Variants in PDE1C observed in about 807,000 individuals in gnomAD.
The protein encoded by PDE1C is phosphodiesterase 1C, also known as dual specificity calcium/calmodulin-dependent 3',5'-cyclic nucleotide phosphodiesterase 1C.
In PDE1C, 62 loss-of-function variants were observed where a neutral mutation model predicts 93.1. That is an observed-to-expected ratio of 0.67 (90% CI 0.54 to 0.82). The LOEUF (loss-of-function observed/expected upper bound fraction) is 0.82. Ranked by LOEUF, PDE1C falls within the 40% of genes least tolerant of loss-of-function variation. The pLI is 0.00. For synonymous variants in PDE1C, 325 were observed against 310.1 expected, an observed-to-expected ratio of 1.05 and a Z score of -0.50; for missense variants, 742 against 884.6, an observed-to-expected ratio of 0.84 and a Z score of 2.04.
chr7:32,348,632 G>A (rs1783899512), intron 1 of PDE1C, among the ~76,000 whole-genome samples: 1 of 151,918 alleles, frequency 6.6e-6, no homozygotes, highest in Non-Finnish European at 1.5e-5. Flanking sequence ...CAAAGTGCTG[G>A]GATTACAGGC....
intron 3 of PDE1C, among the ~76,000 whole-genome samples, chr7:32,082,654 A>T (rs7807965): frequency 6.6e-6 from 1 of 151,590 alleles, no homozygotes; most frequent in Non-Finnish European, 1.5e-5. Context: ...CTGAGACAAA[A>T]CTTCCAGAGG....
chr7:32,154,806 G>A lies in PDE1C; in HGVS notation c.308+14979C>T, dbSNP rs565276687. Among the ~76,000 whole-genome samples, 79 of 152,374 alleles carry A rather than the reference G, an allele frequency of 5.2e-4. No individual in the cohort carries two copies. The South Asian group carries it at 0.016, about 30-fold the overall frequency. On this transcript the variant is annotated intron_variant, in intron 3 of 18. Transcript: ENST00000396193. ...AGACCACAGGTGTTGCTGGTGACTT[G>A]CTCACAGGAGAGGTCTTCGGAGGCA...
At chr7:32,076,771 A>G (rs904616966) in intron 3 of PDE1C, among the ~76,000 whole-genome samples, 3 of 152,088 alleles carry the variant, frequency 2.0e-5, no homozygotes, top group African/African-American at 7.2e-5. Context: ...TGATCCTGCT[A>G]TGCCTGAAGC....
intron 2 of PDE1C, among the ~76,000 whole-genome samples, chr7:31,929,767 C>G (rs1803930454): frequency 6.6e-6 from 1 of 152,190 alleles, no homozygotes; most frequent in African/African-American, 2.4e-5. Flanking sequence ...ATCAGAATCT[C>G]TGGCACACGG....
the PDE1C span, among the ~76,000 whole-genome samples, chr7:31,738,460 T>C: frequency 1.3e-5 from 2 of 152,054 alleles, no homozygotes; most frequent in African/African-American, 4.8e-5. Context: ...ATAAGAACAG[T>C]ATAAGGGAAA....
At chr7:31,959,703 C>A (rs985869354) in intron 2 of PDE1C, among the ~76,000 whole-genome samples, 10 of 152,046 alleles carry the variant, frequency 6.6e-5, no homozygotes, top group African/African-American at 2.4e-4. Flanking sequence ...AATAAAGTTT[C>A]CAATTGTTTA....
chr7:32,309,587 C>T (rs1421870437), intron 1 of PDE1C, among the ~76,000 whole-genome samples: 1 of 152,146 alleles, frequency 6.6e-6, no homozygotes, highest in Non-Finnish European at 1.5e-5. Context: ...GGAGTGGGGG[C>T]CAATATTCAA....
chr7:32,215,902 G>A (rs1584975296), intron 1 of PDE1C, among the ~76,000 whole-genome samples: 1 of 152,296 alleles, frequency 6.6e-6, no homozygotes, highest in South Asian at 2.1e-4. Flanking sequence ...AAGGAAATCT[G>A]CCCAGTGCAC....
chr7:32,199,945 T>G (rs1293152062), intron 2 of PDE1C, among the ~76,000 whole-genome samples: 3 of 152,196 alleles, frequency 2.0e-5, no homozygotes, highest in African/African-American at 7.2e-5. Context: ...TAAAATACTG[T>G]GTAATGTTAC....
At chr7:32,373,304 T>C (rs1044797811) in intron 1 of PDE1C, among the ~76,000 whole-genome samples, 3 of 152,254 alleles carry the variant, frequency 2.0e-5, no homozygotes, top group African/African-American at 7.2e-5. Flanking sequence ...TACTGACTGA[T>C]ACATGCTACA....
chr7:31,951,348 C>T lies in PDE1C; in HGVS notation c.129-70488G>A, dbSNP rs1807346872. Among the ~76,000 whole-genome samples the T allele has an allele frequency of 3.3e-5, 5 of 152,272 alleles. No homozygotes were observed. The South Asian group carries it at 1.0e-3, about 32-fold the overall frequency. On this transcript the variant is annotated intron_variant, in intron 2 of 17. Transcript: ENST00000396191. ...GACCCAGAAATTATCTACAAATAGACTCAAAGAAGAGTAGGTTCCAAACCT... is the reference window on the plus strand; with the variant it reads ...GACCCAGAAATTATCTACAAATAGATTCAAAGAAGAGTAGGTTCCAAACCT...
intron 2 of PDE1C, among the ~76,000 whole-genome samples, chr7:31,891,013 CA>C (rs1798567095): frequency 6.6e-6 from 1 of 152,150 alleles, no homozygotes; most frequent in Non-Finnish European, 1.5e-5. Context: ...TCCAGGCGCA[CA>C]GTAGCTGCTC....
chr7:31,977,495 C>T (rs537488942), intron 2 of PDE1C, among the ~76,000 whole-genome samples: 2 of 152,160 alleles, frequency 1.3e-5, no homozygotes, highest in Non-Finnish European at 2.9e-5. Context: ...TCTTTTCCAT[C>T]TCAGCACCTT....
At position 32,053,707 on chromosome 7, in the gene PDE1C, A is replaced by G. The variant is rs564518549; in HGVS notation, c.102-2127T>C. ...CAATACTTGCCAAAGAAATCTATAAAGGCACTGCTGGGAGTTCTGAAAGAA... is the reference window on the plus strand; with the variant it reads ...CAATACTTGCCAAAGAAATCTATAAGGGCACTGCTGGGAGTTCTGAAAGAA... On this transcript the variant is annotated intron_variant, in intron 1 of 17. Coordinates refer to ENST00000396191, the MANE Select transcript of PDE1C (RefSeq NM_001191057.4). Among the ~76,000 whole-genome samples the G allele has an allele frequency of 1.8e-4, 27 of 152,258 alleles. No homozygotes were observed. In the South Asian group the frequency reaches 2.3e-3, roughly 13 times the overall value.
intron 17 of PDE1C, among the ~76,000 whole-genome samples, chr7:31,773,507 G>A (rs906363918): frequency 1.3e-5 from 2 of 151,842 alleles, no homozygotes; most frequent in Admixed American, 6.6e-5. Context: ...GAATTGCTTG[G>A]TTTAAAGCTG....
At chr7:32,235,769 A>T (rs1461517175) in intron 1 of PDE1C, among the ~76,000 whole-genome samples, 2 of 152,118 alleles carry the variant, frequency 1.3e-5, no homozygotes, top group Non-Finnish European at 2.9e-5. Flanking sequence ...ATCAACTTCT[A>T]ACATAAATCT....
intron 2 of PDE1C, among the ~76,000 whole-genome samples, chr7:31,989,071 A>C (rs1783821467): frequency 6.6e-6 from 1 of 151,310 alleles, no homozygotes; most frequent in Admixed American, 6.6e-5. Context: ...GAGAAGAAAG[A>C]AAGAGAGAGA....
At chr7:31,811,902 C>T (rs937691436) in intron 15 of PDE1C, among the ~76,000 whole-genome samples, 1 of 152,104 alleles carries the variant, frequency 6.6e-6, no homozygotes, top group African/African-American at 2.4e-5. Context: ...ACCTTCAGCT[C>T]TAACTTGGAA....
At chr7:31,747,998 A>G (rs930475286), downstream of PDE1C, among the ~76,000 whole-genome samples, 4 of 142,080 alleles carry the variant, frequency 2.8e-5, no homozygotes, top group Admixed American at 2.2e-4. Flanking sequence ...GCCTTTCGTC[A>G]GTCTTACAAA....
Sources: allele counts gnomAD v4.1 joint callset (sites outside exome capture counted in the v4.1 genomes callset), GRCh38; gene constraint gnomAD v4.1.1; transcripts MANE v1.5; gene names NCBI Gene and HGNC (gene_info 2026-07-23, HGNC 2026-07-21).